PHF20L1: variants seen among roughly 807,000 people sequenced by gnomAD.
PHF20L1 encodes the protein PHD finger protein 20 like 1.
In PHF20L1, 44 loss-of-function variants were observed where a neutral mutation model predicts 125.5. The observed-to-expected ratio is 0.35, with a 90% CI of 0.28 to 0.45. PHF20L1 has a LOEUF of 0.45. Ranked by LOEUF, PHF20L1 falls within the 20% of genes least tolerant of loss-of-function variation. The pLI is 1.00. For missense variants in PHF20L1, 1,012 were observed against 1,217.2 expected, an observed-to-expected ratio of 0.83 and a Z score of 2.51; for synonymous variants, 380 against 403.1, an observed-to-expected ratio of 0.94 and a Z score of 0.69.
chr8:132,824,250 C>G, intron 13 of PHF20L1, 190 bp downstream of exon 13: 1 of 401,628 alleles, frequency 2.5e-6, no homozygotes, highest in Non-Finnish European at 4.5e-6. Flanking sequence ...TTATATGTAA[C>G]TTTTTTGTCA....
At chr8:132,843,294 G>A in intron 19 of PHF20L1, 1 of 984,914 alleles carries the variant, frequency 1.0e-6, no homozygotes, top group Non-Finnish European at 1.2e-6. Flanking sequence ...TAGCATGTTT[G>A]TCAATGCATC....
At chr8:132,836,257 A>C (rs1837347934) in intron 15 of PHF20L1, 1 of 226,850 alleles carries the variant, frequency 4.4e-6, no homozygotes, top group Admixed American at 5.1e-5. Context: ...ATTTATTGAC[A>C]TCAGCCTTAG....
At chr8:132,784,751 C>T (rs1830821464) in intron 2 of PHF20L1, among the ~76,000 whole-genome samples, 1 of 152,196 alleles carries the variant, frequency 6.6e-6, no homozygotes. Context: ...CATTGTCTTG[C>T]ATAGATTTCC....
At chr8:132,792,034 G>A (rs1004149989) in intron 2 of PHF20L1, among the ~76,000 whole-genome samples, 3 of 152,152 alleles carry the variant, frequency 2.0e-5, no homozygotes, top group African/African-American at 7.2e-5. Flanking sequence ...GTTTAACTCT[G>A]TTACTGTGGA....
At chr8:132,843,964 G>T (rs1368649495) in intron 19 of PHF20L1, 192 bp from the exon 20 acceptor site, 1 of 985,130 alleles carries the variant, frequency 1.0e-6, no homozygotes, top group African/African-American at 1.7e-5. Flanking sequence ...GAGGGAGGTG[G>T]TGGGTGCATC....
At chr8:132,795,453 T>A (rs957774043) in intron 4 of PHF20L1, among the ~76,000 whole-genome samples, 1 of 152,136 alleles carries the variant, frequency 6.6e-6, no homozygotes, top group Non-Finnish European at 1.5e-5. Flanking sequence ...GGAAATCTAT[T>A]GGACAGATCA....
chr8:132,791,970 CACTT>C (rs1431918198), intron 2 of PHF20L1, among the ~76,000 whole-genome samples: 1 of 152,178 alleles, frequency 6.6e-6, no homozygotes, highest in African/African-American at 2.4e-5. Context: ...TATTTGAACT[CACTT>C]AGATACTGAT....
chr8:132,815,016 C>A, intron 10 of PHF20L1, 127 bp downstream of exon 10: 1 of 652,042 alleles, frequency 1.5e-6, no homozygotes, highest in Non-Finnish European at 2.5e-6. Flanking sequence ...ATAGGGAAGG[C>A]TTGAAACTAT....
chr8:132,802,516 A>T (rs1476716009), intron 6 of PHF20L1, among the ~76,000 whole-genome samples: 1 of 151,704 alleles, frequency 6.6e-6, no homozygotes, highest in Non-Finnish European at 1.5e-5. Flanking sequence ...CTTATAGCTA[A>T]TTGTATTTAC....
Position 132,815,570 on chromosome 8 carries a change from T to A in PHF20L1, c.1183+681T>A, listed in dbSNP as rs974263440. The A allele has an allele frequency of 5.3e-5, 8 of 151,890 alleles. No homozygotes were observed. In the South Asian group the frequency reaches 1.7e-3, roughly 31 times the overall value. The allele number at this position is 151,890 out of a possible 1,614,324, so 9.4% of individuals were successfully genotyped here. On this transcript the variant is annotated intron_variant, in intron 10 of 20. Transcript: ENST00000395386. ...ACATGAATAACAGTTATTTGAAAAGTCAGTTGGTAAATGATGGTTTTTTTT... is the reference window on the plus strand; with the variant it reads ...ACATGAATAACAGTTATTTGAAAAGACAGTTGGTAAATGATGGTTTTTTTT...
intron 17 of PHF20L1, chr8:132,838,110 TCCG>T (rs1341794052): frequency 1.9e-5 from 4 of 214,710 alleles, no homozygotes; most frequent in African/African-American, 6.7e-5. Flanking sequence ...AGACTCAACT[TCCG>T]TATTAAAATT....
intron 12 of PHF20L1, among the ~76,000 whole-genome samples, chr8:132,820,071 C>T (rs897103713): frequency 2.0e-5 from 3 of 151,692 alleles, no homozygotes; most frequent in Non-Finnish European, 4.4e-5. Context: ...AATAATCTCT[C>T]GTATGTTCTT....
In PHF20L1 at chr8:132,791,561, T is replaced by C. The variant is rs142603092; in HGVS notation, c.84-2849T>C. ...AGCCACCGTGGCTGGCCGAGTTGTT[T>C]CGTTTCCTTTTTATGTACCAATAGT... On this transcript the variant is annotated intron_variant, in intron 2 of 20. Coordinates refer to ENST00000395386, the MANE Select transcript of PHF20L1 (RefSeq NM_016018.5). Among the ~76,000 whole-genome samples the C allele has an allele frequency of 3.2e-4, 49 of 152,300 alleles. No homozygotes were observed. The East Asian group carries it at 9.1e-3, about 28-fold the overall frequency.
intron 2 of PHF20L1, among the ~76,000 whole-genome samples, chr8:132,788,602 T>C (rs1228380445): frequency 2.2e-5 from 1 of 45,032 alleles, no homozygotes; most frequent in Non-Finnish European, 4.5e-5. Context: ...ATGGTTGACT[T>C]TTTTTTTTTA....
chr8:132,814,528 T>G, intron 9 of PHF20L1, 109 bp from the exon 10 acceptor site: 1 of 703,298 alleles, frequency 1.4e-6, no homozygotes, highest in Admixed American at 3.3e-5. Flanking sequence ...TGTTATATGT[T>G]GCTTAACAAT....
At chr8:132,800,172 G>A (rs1250192530) in intron 6 of PHF20L1, among the ~76,000 whole-genome samples, 1 of 150,754 alleles carries the variant, frequency 6.6e-6, no homozygotes, top group Non-Finnish European at 1.5e-5. Context: ...AATTTGGTTT[G>A]TGGTAAAATT....
chr8:132,791,151 A>C (rs1454717050), intron 2 of PHF20L1, among the ~76,000 whole-genome samples: 1 of 152,222 alleles, frequency 6.6e-6, no homozygotes, highest in African/African-American at 2.4e-5. Flanking sequence ...CAATAAGTAA[A>C]AAACACAGAG....
chr8:132,834,568 A>C (rs988249840), intron 15 of PHF20L1, among the ~76,000 whole-genome samples: 15 of 151,946 alleles, frequency 9.9e-5, no homozygotes, highest in African/African-American at 3.6e-4. Flanking sequence ...TCCTAACTTA[A>C]AGTGATCCTC....
At chr8:132,835,145 A>G (rs1174769841) in intron 15 of PHF20L1, among the ~76,000 whole-genome samples, 1 of 152,126 alleles carries the variant, frequency 6.6e-6, no homozygotes, top group African/African-American at 2.4e-5. Flanking sequence ...TTCTTCTACA[A>G]ACATTCTGGA....
Sources: gnomAD v4.1 joint callset for allele counts (sites outside exome capture counted in the v4.1 genomes callset) on GRCh38, gnomAD v4.1.1 for gene constraint, MANE v1.5 for transcripts, NCBI Gene and HGNC (gene_info 2026-07-23, HGNC 2026-07-21) for gene names.